CD37: variants seen among roughly 807,000 people sequenced by gnomAD.
CD37 encodes CD37 molecule.
Under a neutral mutation model 38.9 loss-of-function variants are expected in CD37, and 37 were observed. The ratio of observed to expected loss-of-function variants is 0.95; its 90% CI spans 0.73 to 1.25. The LOEUF is 1.25. CD37 is among the 50% of genes most tolerant of loss of function. The probability of loss-of-function intolerance (pLI) is 0.00; values close to 1 mark genes in which losing one functional copy is unlikely to be tolerated. For missense variants in CD37, 351 were observed against 360.1 expected, an observed-to-expected ratio of 0.97 and a Z score of 0.20; for synonymous variants, 146 against 150.1, an observed-to-expected ratio of 0.97 and a Z score of 0.20.
chr19:49,339,283 TGA>T lies in CD37; in HGVS notation c.685-43_685-42del. ...CTGAAAAGAACGCTGGGCCTGGGCT[TGA>T]GAGTCCCAGAAAGAATCCCTTTAAC... On this transcript the variant is annotated intron_variant, in intron 6 of 7. Transcript: ENST00000323906. This position sits in a 1 kb window ranked among gnomAD's most constrained non-coding sequence, Gnocchi z 4.5. 1 of 1,546,904 alleles carries T rather than the reference TGA, an allele frequency of 6.5e-7. No individual in the cohort carries two copies. Among genetic ancestry groups the T allele is most frequent in the Non-Finnish European group, 8.9e-7 (1 of 1,121,416 alleles).
In CD37 at chr19:49,335,521, G is replaced by C. The variant is rs771851408; in HGVS notation, c.-20G>C. On this transcript the variant is annotated 5_prime_UTR_variant, in exon 1 of 8. Coordinates refer to ENST00000323906, the MANE Select transcript of CD37 (RefSeq NM_001774.3). This position sits in a 1 kb window ranked among gnomAD's most constrained non-coding sequence, Gnocchi z 4.6. ...ACCTCTTCTGTGTGGTGAGTGGACCGCTTACCCCACTAGGTGAAGATGTCA... is the reference window on the plus strand; with the variant it reads ...ACCTCTTCTGTGTGGTGAGTGGACCCCTTACCCCACTAGGTGAAGATGTCA... 6.3e-7 allele frequency: 1 copy of C among 1,598,628 alleles called. No individual in the cohort carries two copies. The highest frequency in any genetic ancestry group is 1.7e-5 in the Admixed American group (1 of 59,982).
chr19:49,339,747 C>G lies in CD37; in HGVS notation c.768+334C>G. 2 of 1,385,660 alleles carry G rather than the reference C, an allele frequency of 1.4e-6. No homozygotes were observed. The highest frequency in any genetic ancestry group is 1.9e-6 in the Non-Finnish European group (2 of 1,073,562). 85.8% of individuals were successfully genotyped at this position (1,385,660 alleles called of 1,614,324 possible). ...ACGTGCCGGGCGCTGGGGATTCGAG[C>G]CCCGGGCCCAGCCTGATCGCTGACG... On this transcript the variant is annotated intron_variant, in intron 7 of 7. Transcript: ENST00000323906. The surrounding 1 kb of genome is among the most constrained non-coding windows in gnomAD (Gnocchi z 4.5).
In CD37 at chr19:49,339,052, A is replaced by C; in HGVS notation, c.684+116A>C. 7 of 866,658 alleles carry C rather than the reference A, an allele frequency of 8.1e-6. No homozygotes were observed. The highest frequency in any genetic ancestry group is 1.3e-5 in the Non-Finnish European group (7 of 546,166). The allele number at this position is 866,658 out of a possible 1,614,324, so 53.7% of individuals were successfully genotyped here. ...CGGGGTCTACGAGAAAAGGAAAGGT[A>C]CGGCAGGAGGGGCGGGGCCCTCTGA... On this transcript the variant is annotated intron_variant, in intron 6 of 7. Coordinates refer to ENST00000323906, the MANE Select transcript of CD37 (RefSeq NM_001774.3). The surrounding 1 kb of genome is among the most constrained non-coding windows in gnomAD (Gnocchi z 4.5).
chr19:49,338,098 C>A lies in CD37; in HGVS notation c.447+69C>A. 1 of 1,572,082 alleles carries A rather than the reference C, an allele frequency of 6.4e-7. No homozygotes were observed. The highest frequency in any genetic ancestry group is 8.6e-7 in the Non-Finnish European group (1 of 1,158,444). ...AGCCCTGTGCTTGGAGGAGACTCCA[C>A]CCCAACGTGGGCCCGACCCCCAGCT... On this transcript the variant is annotated intron_variant, in intron 5 of 7. Coordinates refer to ENST00000323906, the MANE Select transcript of CD37 (RefSeq NM_001774.3). This position sits in a 1 kb window ranked among gnomAD's most constrained non-coding sequence, Gnocchi z 5.0.
Position 49,338,573 on chromosome 19 carries a change from C to A in CD37, c.448-127C>A. 1 of 714,472 alleles carries A rather than the reference C, an allele frequency of 1.4e-6. No individual in the cohort carries two copies. Among genetic ancestry groups the A allele is most frequent in the Non-Finnish European group, 2.5e-6 (1 of 402,746 alleles). 44.3% of individuals were successfully genotyped at this position (714,472 alleles called of 1,614,324 possible). Reference sequence around the variant, plus strand: ...CCCATCGTGACCCCAGCCCACTGTCCCCCACTCCACACCCACCACTTAGTC... The same window carrying A: ...CCCATCGTGACCCCAGCCCACTGTCACCCACTCCACACCCACCACTTAGTC... On this transcript the variant is annotated intron_variant, in intron 5 of 7. Transcript: ENST00000323906. The surrounding 1 kb of genome is among the most constrained non-coding windows in gnomAD (Gnocchi z 5.0).
chr19:49,337,772 G>A (rs1394416994), intron 4 of CD37, 153 bp from the exon 5 acceptor site: 1 of 1,540,344 alleles, frequency 6.5e-7, no homozygotes, highest in East Asian at 2.4e-5. Flanking sequence ...GGAAGAAACA[G>A]AAAGACAGAC....
At chr19:49,337,592 G>C in intron 4 of CD37, 1 of 1,398,608 alleles carries the variant, frequency 7.1e-7, no homozygotes, top group Non-Finnish European at 9.5e-7. Flanking sequence ...CTGGGTGACA[G>C]AGTGAGACCC....
At position 49,337,973 on chromosome 19, in the gene CD37, G is replaced by C. The variant is rs147415665; in HGVS notation, c.391G>C (p.Gly131Arg). ...CGTAGAGAAAACCATCCAAAAGTAC[G>C]GCACCAACCCCGAGGAGACCGCGGC... Reference protein sequence around the residue: ...DVVEKTIQKYGTNPEETAAEE... With the variant: ...DVVEKTIQKYRTNPEETAAEE... The change falls in exon 5 of 8, where the codon GGC becomes CGC. Residue 131 changes from glycine (G) to arginine (R), a missense_variant. Physicochemically the swap from Gly to Arg is moderately radical, Grantham distance 125 (BLOSUM62 -2). Coordinates refer to ENST00000323906, the MANE Select transcript of CD37 (RefSeq NM_001774.3). 28 of 1,613,942 alleles carry C rather than the reference G, an allele frequency of 1.7e-5. No individual in the cohort carries two copies. Among genetic ancestry groups the C allele is most frequent in the South Asian group, 2.2e-5 (2 of 91,088 alleles).
chr19:49,340,525 G>T lies in CD37; in HGVS notation c.*197G>T. 1 of 622,422 alleles carries T rather than the reference G, an allele frequency of 1.6e-6. No homozygotes were observed. Among genetic ancestry groups the T allele is most frequent in the Non-Finnish European group, 2.9e-6 (1 of 345,818 alleles). 38.6% of individuals were successfully genotyped at this position (622,422 alleles called of 1,614,324 possible). On this transcript the variant is annotated 3_prime_UTR_variant, in exon 8 of 8. Coordinates refer to ENST00000323906, the MANE Select transcript of CD37 (RefSeq NM_001774.3). ...CTGGGGCTTTCGTCCACAGCTTCCT[G>T]TCCCCATCTGTCGGCCTACCACCAC...
Position 49,339,023 on chromosome 19 carries a change from AG to A in CD37, c.684+90del. 7 of 1,085,856 alleles carry A rather than the reference AG, an allele frequency of 6.4e-6. No homozygotes were observed. In the South Asian group the frequency reaches 9.6e-5, roughly 15 times the overall value. 67.3% of individuals were successfully genotyped at this position (1,085,856 alleles called of 1,614,324 possible). ...CTGTCAGTGAGTAGCGGCCTGAGAA[AG>A]GGCGGGGTCTACGAGAAAAGGAAAG... is the stretch of plus-strand genomic sequence containing the variant. On this transcript the variant is annotated intron_variant, in intron 6 of 7. Coordinates refer to ENST00000323906, the MANE Select transcript of CD37 (RefSeq NM_001774.3). This position sits in a 1 kb window ranked among gnomAD's most constrained non-coding sequence, Gnocchi z 4.5.
chr19:49,338,172 T>TC lies in CD37; in HGVS notation c.447+147dup, dbSNP rs1971032466. ...CCCTCCCAGGCCCGACGCTCCCCAC[T>TC]CCCCAGATGACACAACTGTCCCCGG... On this transcript the variant is annotated intron_variant, in intron 5 of 7. Coordinates refer to ENST00000323906, the MANE Select transcript of CD37 (RefSeq NM_001774.3). This position sits in a 1 kb window ranked among gnomAD's most constrained non-coding sequence, Gnocchi z 5.0. The TC allele has an allele frequency of 6.9e-7, 1 of 1,444,980 alleles. No homozygotes were observed. Among genetic ancestry groups the TC allele is most frequent in the Non-Finnish European group, 9.1e-7 (1 of 1,101,964 alleles). 89.5% of individuals were successfully genotyped at this position (1,444,980 alleles called of 1,614,324 possible).
At position 49,336,989 on chromosome 19, in the gene CD37, G is replaced by A; in HGVS notation, c.223G>A (p.Gly75Ser). Residue 75 changes from glycine (G) to serine (S), a missense_variant, in exon 3 of 8, where the codon GGT (glycine) becomes AGT (serine). Transcript: ENST00000323906. ...CTTCACCATGGGCATCGCCCTCCTG[G>A]GTTGTGTGGGGGCCCTCAAGGAGCT... ...GIFTMGIALL[G>S]CVGALKELRC... is the part of the protein sequence containing the mutation. The A allele has an allele frequency of 1.2e-6, 2 of 1,614,018 alleles. No individual in the cohort carries two copies. Among genetic ancestry groups the A allele is most frequent in the Non-Finnish European group, 1.7e-6 (2 of 1,179,900 alleles).
intron 2 of CD37, chr19:49,336,581 T>C: frequency 4.2e-6 from 1 of 236,386 alleles, no homozygotes; most frequent in Non-Finnish European, 8.4e-6. Flanking sequence ...AAGAAATAGA[T>C]ATCATCTCCT....
At chr19:49,337,055 G>C in intron 3 of CD37, 22 bp downstream of exon 3, 1 of 1,613,300 alleles carries the variant, frequency 6.2e-7, no homozygotes, top group Non-Finnish European at 8.5e-7. Context: ...ATCCCTCTCC[G>C]TCCCTAGGAA....
rs745827696 is a variant in CD37 at position 49,339,432 on chromosome 19, C to T, written c.768+19C>T. 6.2e-7 allele frequency: 1 copy of T among 1,607,844 alleles called. No individual in the cohort carries two copies. The highest frequency in any genetic ancestry group is 2.2e-5 in the East Asian group (1 of 44,848). ...ACTCGAGGTGATCTGGCCCCGCCCCCACCCGCGATCGGCCCTAAATCCCTA... is the reference window on the plus strand; with the variant it reads ...ACTCGAGGTGATCTGGCCCCGCCCCTACCCGCGATCGGCCCTAAATCCCTA... On this transcript the variant is annotated intron_variant, in intron 7 of 7. Coordinates refer to ENST00000323906, the MANE Select transcript of CD37 (RefSeq NM_001774.3). This position sits in a 1 kb window ranked among gnomAD's most constrained non-coding sequence, Gnocchi z 4.5.
rs891605605 is a variant in CD37, at chr19:49,339,759, C to G, written c.768+346C>G. 8 of 1,387,784 alleles carry G rather than the reference C, an allele frequency of 5.8e-6. No homozygotes were observed. The African/African-American group carries it at 1.2e-4, about 20-fold the overall frequency. 86.0% of individuals were successfully genotyped at this position (1,387,784 alleles called of 1,614,324 possible). A position where few individuals can be genotyped will look rare whatever the true frequency, so the allele number is the denominator to read the frequency against. Reference sequence around the variant, plus strand: ...CTGGGGATTCGAGCCCCGGGCCCAGCCTGATCGCTGACGGCGGCGGCGGGC... The same window carrying G: ...CTGGGGATTCGAGCCCCGGGCCCAGGCTGATCGCTGACGGCGGCGGCGGGC... On this transcript the variant is annotated intron_variant, in intron 7 of 7. Transcript: ENST00000323906. The surrounding 1 kb of genome is among the most constrained non-coding windows in gnomAD (Gnocchi z 4.5).
chr19:49,337,296 A>G, intron 4 of CD37, 75 bp downstream of exon 4: 1 of 1,430,474 alleles, frequency 7.0e-7, no homozygotes, highest in South Asian at 1.1e-5. Flanking sequence ...GAGGGTGGAG[A>G]GAGACCGAAA....
rs369641529 is a variant in CD37, at chr19:49,335,588, C to G, written c.48C>G (p.Phe16Leu). The change falls in exon 1 of 8, where the codon TTC becomes TTG. Residue 16 changes from phenylalanine to leucine, a missense_variant. Transcript: ENST00000323906. The surrounding 1 kb of genome is among the most constrained non-coding windows in gnomAD (Gnocchi z 4.6). ...TCAGCCTCATCAAGTACTTCCTCTT[C>G]GTTTTCAACCTCTTCTTCTTCGTGA... ...SCLSLIKYFL[F>L]VFNLFFFVLG... is the part of the protein sequence containing the mutation. The G allele has an allele frequency of 6.2e-7, 1 of 1,614,004 alleles. No homozygotes were observed. Among genetic ancestry groups the G allele is most frequent in the East Asian group, 2.2e-5 (1 of 44,876 alleles).
Position 49,338,319 on chromosome 19 carries a change from GAC to G in CD37, c.447+293_447+294del. The G allele has an allele frequency of 1.4e-6, 1 of 736,596 alleles. No homozygotes were observed. The highest frequency in any genetic ancestry group is 2.1e-6 in the Non-Finnish European group (1 of 482,376). The allele number at this position is 736,596 out of a possible 1,614,324, so 45.6% of individuals were successfully genotyped here. ...GCCCCTAGTCCCAAGACCCTAGCGA[GAC>G]ACGGCTTCCTACCCCGTAGTGACTC... On this transcript the variant is annotated intron_variant, in intron 5 of 7. Transcript: ENST00000323906. This position sits in a 1 kb window ranked among gnomAD's most constrained non-coding sequence, Gnocchi z 5.0.
Sources: gnomAD v4.1 joint callset for allele counts on GRCh38, gnomAD v4.1.1 for gene constraint, Gnocchi (gnomAD v3.1) non-coding constraint, MANE v1.5 for transcripts, NCBI Gene and HGNC (gene_info 2026-07-23, HGNC 2026-07-21) for gene names.